Variants in PRDM13 observed in about 807,000 individuals in gnomAD.
PRDM13 encodes the protein PR/SET domain 13, also known as PR domain zinc finger protein 13.
PRDM13 carries 15 observed loss-of-function variants against 36.4 expected under a neutral mutation model. The ratio of observed to expected loss-of-function variants is 0.41; its 90% confidence interval spans 0.28 to 0.64. The LOEUF (loss-of-function observed/expected upper bound fraction) is 0.64. Among genes scored for constraint, PRDM13 ranks in the 30% least tolerant of loss-of-function variants. The pLI is 0.29. For missense variants in PRDM13, 1,044 were observed against 1,013.5 expected, an observed-to-expected ratio of 1.03 and a Z score of -0.41; for synonymous variants, 531 against 467.7, an observed-to-expected ratio of 1.14 and a Z score of -1.75.
At position 99,615,006 on chromosome 6, in the gene PRDM13, G is replaced by A. The variant is rs1447215334; in HGVS notation, c.*247G>A. 8.7e-6 allele frequency: 5 copies of A among 574,860 alleles called. No individual in the cohort carries two copies. Among genetic ancestry groups the A allele is most frequent in the Non-Finnish European group, 1.2e-5 (4 of 336,270 alleles). 35.6% of individuals were successfully genotyped at this position (574,860 alleles called of 1,614,324 possible). ...AGTGCCACCAGTACCTCCGCACCCCGGGCCTCTGGACTTCTTGGATGAGCT... is the reference window on the plus strand; with the variant it reads ...AGTGCCACCAGTACCTCCGCACCCCAGGCCTCTGGACTTCTTGGATGAGCT... On this transcript the variant is annotated 3_prime_UTR_variant, in exon 4 of 4. Coordinates refer to ENST00000369215, the MANE Select transcript of PRDM13 (RefSeq NM_021620.4).
rs1459114761 is a variant in PRDM13 at position 99,613,041 on chromosome 6, C to A, written c.406C>A (p.Arg136Ser). 1.2e-6 allele frequency: 2 copies of A among 1,611,642 alleles called. No individual in the cohort carries two copies. The highest frequency in any genetic ancestry group is 1.7e-6 in the Non-Finnish European group (2 of 1,179,074). ...TPTHDEKGEE[R>S]YICWYCWRTF... Reference sequence around the variant, plus strand: ...CATTCTTTCTTGCCCAGGGGAGGAGCGCTACATCTGCTGGTACTGCTGGAG... The same window carrying A: ...CATTCTTTCTTGCCCAGGGGAGGAGAGCTACATCTGCTGGTACTGCTGGAG... The change falls in exon 4 of 4, where the codon CGC becomes AGC. Residue 136 changes from arginine (R) to serine (S), a missense_variant. Transcript: ENST00000369215. The surrounding 1 kb of genome is among the most constrained non-coding windows in gnomAD (Gnocchi z 6.1).
At chr6:99,612,590 T>C (rs1474260716) in intron 3 of PRDM13, among the ~76,000 whole-genome samples, 2 of 152,214 alleles carry the variant, frequency 1.3e-5, no homozygotes, top group Non-Finnish European at 2.9e-5. Flanking sequence ...TCACGACCAT[T>C]AGATTGGTCT....
At chr6:99,608,900 C>A (rs1291447537) in intron 2 of PRDM13, 28 bp downstream of exon 2, 10 of 1,596,178 alleles carry the variant, frequency 6.3e-6, no homozygotes, top group Non-Finnish European at 7.7e-6. Flanking sequence ...CCACACCCCC[C>A]CACTCCCCAC....
chr6:99,606,889 C>A lies in PRDM13; in HGVS notation c.-146C>A. ...GGCTCCCGCCCCGATTGAAAAGGCGCAGTGCATGCCCGCCCGCGTCACTCC... is the reference window on the plus strand; with the variant it reads ...GGCTCCCGCCCCGATTGAAAAGGCGAAGTGCATGCCCGCCCGCGTCACTCC... On this transcript the variant is annotated 5_prime_UTR_variant, in exon 1 of 4. Transcript: ENST00000369215. The A allele has an allele frequency of 9.2e-7, 1 of 1,089,132 alleles. No individual in the cohort carries two copies. Among genetic ancestry groups the A allele is most frequent in the Non-Finnish European group, 1.3e-6 (1 of 795,854 alleles). 67.5% of individuals were successfully genotyped at this position (1,089,132 alleles called of 1,614,324 possible).
intron 2 of PRDM13, 60 bp downstream of exon 2, chr6:99,608,932 C>A (rs1769993165): frequency 7.0e-6 from 11 of 1,572,190 alleles, no homozygotes. Context: ...TCTACCTAAC[C>A]GTCCCTGCGG....
rs1770067597 is a variant in PRDM13, at chr6:99,613,482, G to C, written c.847G>C (p.Gly283Arg). ...CGTGGGCGGCTCCTCGGCGGGGGTC[G>C]GCAGCCTGGCTTTCTACCCCGGCGT... ...GIVGGSSAGV[G>R]SLAFYPGVRS... Residue 283 changes from glycine to arginine, a missense_variant, in exon 4 of 4, where the codon GGC (glycine) becomes CGC (arginine). Physicochemically the swap from Gly to Arg is moderately radical, Grantham distance 125 (BLOSUM62 -2). Around this residue, in one of 3 missense-constraint regions of PRDM13, gnomAD observed 921 missense variants for 865.2 expected, o/e 1.06. Transcript: ENST00000369215. This position sits in a 1 kb window ranked among gnomAD's most constrained non-coding sequence, Gnocchi z 6.1. The C allele has an allele frequency of 6.5e-7, 1 of 1,529,456 alleles. No homozygotes were observed. Among genetic ancestry groups the C allele is most frequent in the Non-Finnish European group, 8.7e-7 (1 of 1,146,704 alleles). The allele number at this position is 1,529,456 out of a possible 1,614,324, so 94.7% of individuals were successfully genotyped here. A position where few individuals can be genotyped will look rare whatever the true frequency, so the allele number is the denominator to read the frequency against.
Position 99,613,778 on chromosome 6 carries a change from C to T in PRDM13, c.1143C>T (p.Pro381=), listed in dbSNP as rs1379701220. ...CGCCGCCGCCGCCGCCTGGCCTGCC[C>T]TGCTCTGGGGCCCTGCGCGGCTTCC... ...DPPPPPPPGL[P]CSGALRGFPL... The change falls in exon 4 of 4, where the codon CCC becomes CCT. Residue 381 remains proline, a synonymous_variant. Transcript: ENST00000369215. The surrounding 1 kb of genome is among the most constrained non-coding windows in gnomAD (Gnocchi z 6.1). 2.7e-6 allele frequency: 4 copies of T among 1,503,518 alleles called. No individual in the cohort carries two copies. Among genetic ancestry groups the T allele is most frequent in the Non-Finnish European group, 2.6e-6 (3 of 1,133,556 alleles). 93.1% of individuals were successfully genotyped at this position (1,503,518 alleles called of 1,614,324 possible).
rs1335171993 is a variant in PRDM13, at chr6:99,613,948, C to T, written c.1313C>T (p.Pro438Leu). Residue 438 changes from proline to leucine, a missense_variant, in exon 4 of 4, where the codon CCC becomes CTC. This residue lies in a region of PRDM13 where 921 missense variants were observed against 865.2 expected (regional missense o/e 1.06). Transcript: ENST00000369215. This position sits in a 1 kb window ranked among gnomAD's most constrained non-coding sequence, Gnocchi z 6.1. ...CCCCTCGAGCGCTGCGCGCTGCCGC[C>T]CCTCGACCCGGGCGGTCTCAAAGCC... ...GLPLERCALP[P>L]LDPGGLKAYP... 1.9e-6 allele frequency: 3 copies of T among 1,591,200 alleles called. No individual in the cohort carries two copies. Among genetic ancestry groups the T allele is most frequent in the East Asian group, 2.4e-5 (1 of 42,326 alleles).
chr6:99,614,649 TA>T lies in PRDM13; in HGVS notation c.2015del (p.Tyr672PhefsTer46). 6.2e-7 allele frequency: 1 copy of T among 1,612,330 alleles called. No homozygotes were observed. The highest frequency in any genetic ancestry group is 8.5e-7 in the Non-Finnish European group (1 of 1,179,788). ...CGACGGCCCGGGTGCCGAGCCCGGC[TA>T]TCCCCCGGAGCCTGGGGATCCCAAG... ...AGDGPGAEPG[Y>X]PPEPGDPKSD... On this transcript the variant is annotated frameshift_variant, in exon 4 of 4. Coordinates refer to ENST00000369215, the MANE Select transcript of PRDM13 (RefSeq NM_021620.4). LOFTEE classifies it high-confidence loss of function.
chr6:99,611,015 C>A (rs561167883), intron 3 of PRDM13, among the ~76,000 whole-genome samples: 28 of 152,166 alleles, frequency 1.8e-4, no homozygotes, highest in Admixed American at 6.5e-4. Flanking sequence ...TCTTGACCAC[C>A]TTAGAGTTAC....
chr6:99,611,849 C>T (rs540466866), intron 3 of PRDM13, among the ~76,000 whole-genome samples: 1 of 152,296 alleles, frequency 6.6e-6, no homozygotes, highest in Admixed American at 6.5e-5. Context: ...TCTCAGACAT[C>T]TTTCCCTTCA....
At position 99,606,921 on chromosome 6, in the gene PRDM13, G is replaced by A. The variant is rs1034371310; in HGVS notation, c.-114G>A. On this transcript the variant is annotated 5_prime_UTR_variant, in exon 1 of 4. Coordinates refer to ENST00000369215, the MANE Select transcript of PRDM13 (RefSeq NM_021620.4). ...TGCCCGCCCGCGTCACTCCGCGGGC[G>A]GAGGACGCACGTCGGGGCGCGGCTC... is the stretch of plus-strand genomic sequence containing the variant. 18 of 1,351,456 alleles carry A rather than the reference G, an allele frequency of 1.3e-5. No homozygotes were observed. The African/African-American group carries it at 2.3e-4, about 17-fold the overall frequency. 83.7% of individuals were successfully genotyped at this position (1,351,456 alleles called of 1,614,324 possible). A position where few individuals can be genotyped will look rare whatever the true frequency, so the allele number is the denominator to read the frequency against.
rs2114500096 is a variant in PRDM13 at position 99,613,520 on chromosome 6, C to T, written c.885C>T (p.Phe295=). The change falls in exon 4 of 4, where the codon TTC becomes TTT. Residue 295 remains phenylalanine, a synonymous_variant. Transcript: ENST00000369215. The surrounding 1 kb of genome is among the most constrained non-coding windows in gnomAD (Gnocchi z 6.1). Reference sequence around the variant, plus strand: ...TCTACCCCGGCGTGCGCTCAGCTTTCAAGCCCGCCGGCCTAGCGAGGGCGG... The same window carrying T: ...TCTACCCCGGCGTGCGCTCAGCTTTTAAGCCCGCCGGCCTAGCGAGGGCGG... The part of the protein sequence containing the change: ...LAFYPGVRSA[F]KPAGLARAAA... The T allele has an allele frequency of 6.6e-7, 1 of 1,505,246 alleles. No homozygotes were observed. Among genetic ancestry groups the T allele is most frequent in the Non-Finnish European group, 8.8e-7 (1 of 1,136,904 alleles). 93.2% of individuals were successfully genotyped at this position (1,505,246 alleles called of 1,614,324 possible). A position where few individuals can be genotyped will look rare whatever the true frequency, so the allele number is the denominator to read the frequency against.
At position 99,607,014 on chromosome 6, in the gene PRDM13, T is replaced by A. The variant is rs1378571915; in HGVS notation, c.-21T>A. 21 of 1,600,330 alleles carry A rather than the reference T, an allele frequency of 1.3e-5. No individual in the cohort carries two copies. Among genetic ancestry groups the A allele is most frequent in the Non-Finnish European group, 1.8e-5 (21 of 1,172,870 alleles). ...CAAGGACCTGGAGCACCCGAGCGCC[T>A]GCCTGGTGGCGGCGGCAACAATGCA... On this transcript the variant is annotated 5_prime_UTR_variant, in exon 1 of 4. Transcript: ENST00000369215.
chr6:99,612,688 T>C (rs1223914114), intron 3 of PRDM13, among the ~76,000 whole-genome samples: 1 of 152,166 alleles, frequency 6.6e-6, no homozygotes, highest in Non-Finnish European at 1.5e-5. Context: ...GCCTCAACAC[T>C]TGATTTAAAG....
In PRDM13 at chr6:99,614,136, G is replaced by A. The variant is rs1421239685; in HGVS notation, c.1501G>A (p.Gly501Arg). Residue 501 changes from glycine (G) to arginine (R), a missense_variant, in exon 4 of 4, where the codon GGG becomes AGG. By Grantham distance (125) the Gly-to-Arg change is moderately radical (BLOSUM62 -2). Transcript: ENST00000369215. Reference protein sequence around the residue: ...KYPESISYFSGPAAAALSPAE... With the variant: ...KYPESISYFSRPAAAALSPAE... ...TCCGGAGTCCATCTCCTACTTCAGCGGGCCTGCAGCGGCCGCCCTAAGCCC... is the reference window on the plus strand; with the variant it reads ...TCCGGAGTCCATCTCCTACTTCAGCAGGCCTGCAGCGGCCGCCCTAAGCCC... 2 of 1,597,410 alleles carry A rather than the reference G, an allele frequency of 1.3e-6. No individual in the cohort carries two copies. The highest frequency in any genetic ancestry group is 1.7e-6 in the Non-Finnish European group (2 of 1,173,600).
chr6:99,607,342 A>AT, intron 1 of PRDM13, 164 bp downstream of exon 1: 1 of 1,099,282 alleles, frequency 9.1e-7, no homozygotes, highest in Non-Finnish European at 1.2e-6. Context: ...AGCCTCTTTA[A>AT]CTGTGAGAGC....
At chr6:99,608,644 A>C in intron 1 of PRDM13, 97 bp from the exon 2 acceptor site, 3 of 1,485,802 alleles carry the variant, frequency 2.0e-6, no homozygotes, top group Non-Finnish European at 2.7e-6. Context: ...AAAAACAACC[A>C]CTTTCCTGTG....
At position 99,614,247 on chromosome 6, in the gene PRDM13, C is replaced by A. The variant is rs779332976; in HGVS notation, c.1612C>A (p.Arg538Ser). The A allele has an allele frequency of 1.2e-6, 2 of 1,609,112 alleles. No homozygotes were observed. The highest frequency in any genetic ancestry group is 1.7e-6 in the Non-Finnish European group (2 of 1,178,738). ...QLSEMAAGKGRGRLDSGTLPP... is the reference protein window; with the variant it reads ...QLSEMAAGKGSGRLDSGTLPP... ...GTCCGAGATGGCTGCCGGGAAGGGT[C>A]GCGGACGCCTGGACTCGGGGACGTT... Residue 538 changes from arginine to serine, a missense_variant, in exon 4 of 4, where the codon CGC becomes AGC. Arg to Ser is a moderately radical substitution (Grantham distance 110). Coordinates refer to ENST00000369215, the MANE Select transcript of PRDM13 (RefSeq NM_021620.4).
Sources: gnomAD v4.1 joint callset for allele counts (sites outside exome capture counted in the v4.1 genomes callset) on GRCh38, gnomAD v4.1.1 for gene constraint, gnomAD v4.1.1 regional missense constraint, Gnocchi (gnomAD v3.1) non-coding constraint, MANE v1.5 for transcripts, NCBI Gene and HGNC (gene_info 2026-07-23, HGNC 2026-07-21) for gene names.